FADS2: variants seen among roughly 807,000 people sequenced by gnomAD.
FADS2 encodes fatty acid desaturase 2.
A neutral mutation model predicts 61.2 loss-of-function variants in FADS2; 18 were observed. That is an observed-to-expected ratio of 0.29 (90% CI 0.20 to 0.44). The LOEUF (loss-of-function observed/expected upper bound fraction) is 0.44. Ranked by LOEUF, FADS2 falls within the 20% of genes least tolerant of loss-of-function variation. The probability of loss-of-function intolerance (pLI) is 1.00; values close to 1 mark genes in which losing one functional copy is unlikely to be tolerated. For missense variants in FADS2, 322 were observed against 572.7 expected, an observed-to-expected ratio of 0.56 and a Z score of 4.47; for synonymous variants, 203 against 223.9, an observed-to-expected ratio of 0.91 and a Z score of 0.83.
intron 4 of FADS2, among the ~76,000 whole-genome samples, chr11:61,843,109 C>T (rs1275077915): frequency 2.6e-5 from 4 of 152,224 alleles, no homozygotes; most frequent in Non-Finnish European, 1.5e-5. Context: ...AAAACTCTTT[C>T]GTAGTTCAGC....
rs1395142556 is a variant in FADS2 at position 61,828,607 on chromosome 11, T to C, written c.207+10T>C. On this transcript the variant is annotated intron_variant, in intron 1 of 11. Coordinates refer to ENST00000278840, the MANE Select transcript of FADS2 (RefSeq NM_004265.4). The surrounding 1 kb of genome is among the most constrained non-coding windows in gnomAD (Gnocchi z 6.4). ...TGGAGAAGATGCAACGGTAAGGGTC[T>C]GGGGGCGCCCCAGCCACCCTTCTCT... 1 of 1,608,976 alleles carries C rather than the reference T, an allele frequency of 6.2e-7. No individual in the cohort carries two copies. The highest frequency in any genetic ancestry group is 2.2e-5 in the East Asian group (1 of 44,700).
intron 5 of FADS2, chr11:61,854,407 CA>C (rs1021727613): frequency 6.6e-6 from 1 of 152,284 alleles, no homozygotes; most frequent in African/African-American, 2.4e-5. Context: ...CAGCTAAGGC[CA>C]AGAGACATGA....
intron 6 of FADS2, 58 bp from the exon 7 acceptor site, chr11:61,857,396 C>A: frequency 6.6e-7 from 1 of 1,518,914 alleles, no homozygotes; most frequent in Non-Finnish European, 9.1e-7. Flanking sequence ...GTTCCCCTGA[C>A]CTTCCGGCAC....
At chr11:61,831,723 G>A (rs2067131480) in intron 1 of FADS2, among the ~76,000 whole-genome samples, 1 of 152,126 alleles carries the variant, frequency 6.6e-6, no homozygotes, top group South Asian at 2.1e-4. Flanking sequence ...ACTGCTCTGA[G>A]GTATCAAACC....
chr11:61,828,154 A>C, upstream of FADS2: 1 of 1,393,656 alleles, frequency 7.2e-7, no homozygotes, highest in Non-Finnish European at 9.3e-7. The surrounding 1 kb of genome is among the most constrained non-coding windows in gnomAD (Gnocchi z 6.4). Flanking sequence ...GGGCGGAGGA[A>C]GGGGACCGCT....
At chr11:61,826,034 T>C (rs2067082133), upstream of FADS2, 4 of 701,720 alleles carry the variant, frequency 5.7e-6, no homozygotes, top group African/African-American at 7.0e-5. Context: ...TTCCCCAGTT[T>C]CTCCCGTACA....
upstream of FADS2, chr11:61,828,135 C>T (rs1425409208): frequency 2.2e-6 from 3 of 1,379,084 alleles, no homozygotes; most frequent in Non-Finnish European, 2.8e-6. The surrounding 1 kb of genome is among the most constrained non-coding windows in gnomAD (Gnocchi z 6.4). Flanking sequence ...AGCGGGAGGG[C>T]TGAGGGAGGG....
Position 61,828,652 on chromosome 11 carries a change from TC to T in FADS2, c.207+58del. 2.0e-6 allele frequency: 3 copies of T among 1,503,642 alleles called. No homozygotes were observed. The highest frequency in any genetic ancestry group is 2.7e-6 in the Non-Finnish European group (3 of 1,099,248). The allele number at this position is 1,503,642 out of a possible 1,614,324, so 93.1% of individuals were successfully genotyped here. ...TTCTCTGCTGCAGGCGGAGTCAGGA[TC>T]CCTGGCTCCCCGTGGGCCAAACAGA... On this transcript the variant is annotated intron_variant, in intron 1 of 11. Transcript: ENST00000278840. This position sits in a 1 kb window ranked among gnomAD's most constrained non-coding sequence, Gnocchi z 6.4.
intron 7 of FADS2, among the ~76,000 whole-genome samples, chr11:61,861,125 C>G (rs2067410172): frequency 6.6e-6 from 1 of 151,926 alleles, no homozygotes; most frequent in Non-Finnish European, 1.5e-5. Context: ...GAGCCTGAGG[C>G]AGGCGGATCA....
chr11:61,837,849 A>C lies in FADS2; in HGVS notation c.279A>C (p.Glu93Asp). Residue 93 changes from glutamate to aspartate, a missense_variant, in exon 2 of 12, where the codon GAA (glutamate) becomes GAC (aspartate). Glu to Asp is a conservative substitution (Grantham distance 45, BLOSUM62 2). This residue lies in a region of FADS2 where 40 missense variants were observed against 37.3 expected (regional missense o/e 1.07). Coordinates refer to ENST00000278840, the MANE Select transcript of FADS2 (RefSeq NM_004265.4). The stretch of plus-strand genomic sequence containing the variant: ...TCTTGAAACCCCTGCTGATTGGTGA[A>C]CTGGCCCCGGAGGAGCCCAGCCAGG... ...GKFLKPLLIG[E>D]LAPEEPSQDH... The C allele has an allele frequency of 6.2e-7, 1 of 1,613,908 alleles. No individual in the cohort carries two copies. The highest frequency in any genetic ancestry group is 1.6e-4 in the Middle Eastern group (1 of 6,062).
chr11:61,832,767 T>A (rs1378450324), intron 1 of FADS2, among the ~76,000 whole-genome samples: 2 of 152,202 alleles, frequency 1.3e-5, no homozygotes, highest in African/African-American at 2.4e-5. Flanking sequence ...ATCCCTCCTG[T>A]GCATCTCCAC....
intron 1 of FADS2, among the ~76,000 whole-genome samples, chr11:61,835,039 AGGGACTTCTCCCTG>A (rs2067160660): frequency 1.2e-4 from 1 of 8,216 alleles, no homozygotes; most frequent in Admixed American, 4.1e-3. Context: ...CTGCCTCCCC[AGGGACTTCTCCCTG>A]CCTCCCCAGG....
Position 61,837,804 on chromosome 11 carries a change from C to T in FADS2, c.234C>T (p.Asp78=), listed in dbSNP as rs1484174832. 3.1e-6 allele frequency: 5 copies of T among 1,613,304 alleles called. No homozygotes were observed. Among genetic ancestry groups the T allele is most frequent in the South Asian group, 1.1e-5 (1 of 90,844 alleles). The part of the protein sequence containing the change: ...ATDAFRAFHP[D]LEFVGKFLKP... ...ATGCCTTCCGCGCCTTCCACCCTGACCTGGAATTCGTGGGCAAGTTCTTGA... is the reference window on the plus strand; with the variant it reads ...ATGCCTTCCGCGCCTTCCACCCTGATCTGGAATTCGTGGGCAAGTTCTTGA... Residue 78 remains aspartate, a synonymous_variant, in exon 2 of 12, where the codon GAC becomes GAT. Transcript: ENST00000278840.
At chr11:61,843,604 A>G (rs530071439) in intron 4 of FADS2, among the ~76,000 whole-genome samples, 37 of 152,298 alleles carry the variant, frequency 2.4e-4, no homozygotes, top group Non-Finnish European at 3.7e-4. Context: ...ACAAATTCTA[A>G]GGGGACACCA....
At chr11:61,838,566 AGCCTGG>A (rs2067193877) in intron 2 of FADS2, among the ~76,000 whole-genome samples, 1 of 151,984 alleles carries the variant, frequency 6.6e-6, no homozygotes, top group Admixed American at 6.5e-5. Context: ...TCTTGTTGCC[AGCCTGG>A]GCCAGACCCC....
chr11:61,863,900 T>C (rs2135981506), intron 10 of FADS2, 114 bp downstream of exon 10: 7 of 880,200 alleles, frequency 8.0e-6, no homozygotes, highest in Non-Finnish European at 1.3e-5. Flanking sequence ...TCTGACAAGG[T>C]CTCTGCCCAA....
chr11:61,816,946 C>A lies in FADS2; in HGVS notation c.141+520C>A. The A allele has an allele frequency of 7.3e-7, 1 of 1,375,462 alleles. No individual in the cohort carries two copies. 85.2% of individuals were successfully genotyped at this position (1,375,462 alleles called of 1,614,324 possible). On this transcript the variant is annotated intron_variant, in intron 1 of 11. Coordinates refer to the FADS2 transcript ENST00000257261. This position sits in a 1 kb window ranked among gnomAD's most constrained non-coding sequence, Gnocchi z 7.0. ...CGTTCCCATTGGCCGAGCCTCGTGG[C>A]GCGGGGAGCGAGATCCCGTCCCCCG...
intron 2 of FADS2, 99 bp downstream of exon 2, chr11:61,837,987 C>A: frequency 1.2e-6 from 1 of 830,898 alleles, no homozygotes; most frequent in Non-Finnish European, 2.0e-6. Flanking sequence ...GTAACTGGGG[C>A]TGAGGCAGGG....
chr11:61,856,999 C>T lies in FADS2; in HGVS notation c.745-12C>T. The T allele has an allele frequency of 6.2e-7, 1 of 1,612,428 alleles. No homozygotes were observed. The highest frequency in any genetic ancestry group is 8.5e-7 in the Non-Finnish European group (1 of 1,178,510). On this transcript the variant is annotated splice_polypyrimidine_tract_variant and intron_variant, in intron 5 of 11. Transcript: ENST00000278840. ...GGCTACTGGGTGCTCATGATCTCTC[C>T]TCTCTCCTCAGTACGGCAAGAAGAA...
Sources: gnomAD v4.1 joint callset for allele counts (sites outside exome capture counted in the v4.1 genomes callset) on GRCh38, gnomAD v4.1.1 for gene constraint, gnomAD v4.1.1 regional missense constraint, Gnocchi (gnomAD v3.1) non-coding constraint, MANE v1.5 for transcripts, NCBI Gene and HGNC (gene_info 2026-07-23, HGNC 2026-07-21) for gene names.